The following ANKS1B variants were observed in gnomAD, a reference collection of about 807,000 sequenced individuals.
ANKS1B encodes the protein ankyrin repeat and sterile alpha motif domain-containing protein 1B.
In ANKS1B, 36 loss-of-function variants were observed where a neutral mutation model predicts 148.3. The ratio of observed to expected loss-of-function variants is 0.24; its 90% CI spans 0.19 to 0.32. The LOEUF (loss-of-function observed/expected upper bound fraction) is 0.32, where lower values mean the gene tolerates loss of function less well. Ranked by LOEUF, ANKS1B falls within the 10% of genes least tolerant of loss-of-function variation. The probability of loss-of-function intolerance (pLI) is 1.00; values close to 1 mark genes in which losing one functional copy is unlikely to be tolerated. For synonymous variants in ANKS1B, 542 were observed against 560.8 expected (o/e 0.97, Z 0.47); for missense variants, 1,157 against 1,542.6 (o/e 0.75, Z 4.19).
At chr12:99,625,458 G>A (rs1230871549) in intron 9 of ANKS1B, among the ~76,000 whole-genome samples, 1 of 151,966 alleles carries the variant, frequency 6.6e-6, no homozygotes, top group African/African-American at 2.4e-5. Flanking sequence ...TTCTTTACTT[G>A]CCATTGTTTG....
At chr12:99,915,156 C>T (rs144931562) in intron 1 of ANKS1B, among the ~76,000 whole-genome samples, 17 of 142,110 alleles carry the variant, frequency 1.2e-4, no homozygotes, top group African/African-American at 4.0e-4. Context: ...ACTCGCGAGG[C>T]GGAGGTTGCA....
intron 1 of ANKS1B, among the ~76,000 whole-genome samples, chr12:99,970,057 C>T (rs2095539553): frequency 6.6e-6 from 1 of 152,162 alleles, no homozygotes. Context: ...AAGTATCTAT[C>T]ATTAAGAAAA....
At chr12:99,971,369 C>A (rs901869403) in intron 1 of ANKS1B, among the ~76,000 whole-genome samples, 1 of 152,172 alleles carries the variant, frequency 6.6e-6, no homozygotes, top group Non-Finnish European at 1.5e-5. Flanking sequence ...AACATCCCTG[C>A]AGAATTCTTG....
chr12:99,936,294 TTAAA>T (rs1212880134), intron 1 of ANKS1B, among the ~76,000 whole-genome samples: 2 of 152,126 alleles, frequency 1.3e-5, no homozygotes, highest in East Asian at 3.9e-4. Flanking sequence ...TAAGCCAAAA[TTAAA>T]TAGTTTTCCA....
chr12:99,864,132 T>G (rs1427220096), intron 1 of ANKS1B, among the ~76,000 whole-genome samples: 1 of 151,580 alleles, frequency 6.6e-6, no homozygotes, highest in East Asian at 1.9e-4. Flanking sequence ...TTTTGTTATG[T>G]AATTCCATCC....
chr12:99,681,022 A>G (rs944863962), intron 8 of ANKS1B, among the ~76,000 whole-genome samples: 16 of 152,250 alleles, frequency 1.1e-4, no homozygotes, highest in Admixed American at 1.0e-3. Context: ...GAGCTCAGAC[A>G]CACCTAACCC....
At chr12:99,072,925 G>A (rs943536271) in intron 16 of ANKS1B, among the ~76,000 whole-genome samples, 10 of 152,022 alleles carry the variant, frequency 6.6e-5, no homozygotes, top group Admixed American at 2.0e-4. Flanking sequence ...TGCAGTAAGT[G>A]GTTTAAAAAT....
intron 17 of ANKS1B, among the ~76,000 whole-genome samples, chr12:99,037,461 C>T (rs1598801821): frequency 6.6e-6 from 1 of 151,568 alleles, no homozygotes; most frequent in Admixed American, 6.6e-5. Context: ...GCCGAGATAG[C>T]GCTGCTGCAC....
chr12:99,095,946 G>A (rs10777955), intron 15 of ANKS1B, among the ~76,000 whole-genome samples: 99,735 of 152,040 alleles, frequency 0.66, 32,959 homozygotes, highest in East Asian at 0.89. Flanking sequence ...ATGCAAAATT[G>A]CCAAAGTGCT....
chr12:99,148,231 G>A (rs1185596737), intron 15 of ANKS1B, among the ~76,000 whole-genome samples: 1 of 152,042 alleles, frequency 6.6e-6, no homozygotes, highest in African/African-American at 2.4e-5. Flanking sequence ...ATCAAATTAC[G>A]CAAATATGCT....
chr12:98,850,410 T>C (rs1211131790), intron 17 of ANKS1B, among the ~76,000 whole-genome samples: 5 of 151,574 alleles, frequency 3.3e-5, no homozygotes. Context: ...TGGAGGCTTA[T>C]ACATTGTTTT....
intron 11 of ANKS1B, among the ~76,000 whole-genome samples, chr12:99,433,770 G>GAA (rs1356526138): frequency 6.6e-6 from 1 of 152,112 alleles, no homozygotes; most frequent in African/African-American, 2.4e-5. Context: ...GAAAGCTCTG[G>GAA]AACTGGATGA....
At chr12:99,763,236 A>T (rs2153610667) in intron 8 of ANKS1B, among the ~76,000 whole-genome samples, 1 of 152,312 alleles carries the variant, frequency 6.6e-6, no homozygotes, top group African/African-American at 2.4e-5. Flanking sequence ...ACATGGAATC[A>T]ATCTAGATAT....
chr12:99,143,850 G>A (rs185958297), intron 15 of ANKS1B, among the ~76,000 whole-genome samples: 90 of 152,048 alleles, frequency 5.9e-4, no homozygotes, highest in African/African-American at 2.0e-3. Flanking sequence ...GAATGCTCAC[G>A]CTACTTTTGT....
At chr12:99,292,126 G>C (rs1395204715) in intron 12 of ANKS1B, among the ~76,000 whole-genome samples, 1 of 152,002 alleles carries the variant, frequency 6.6e-6, no homozygotes, top group African/African-American at 2.4e-5. Flanking sequence ...AATACCAAAA[G>C]CAATGGTAAC....
chr12:98,779,744 T>A (rs924594694), intron 24 of ANKS1B, among the ~76,000 whole-genome samples: 1 of 152,220 alleles, frequency 6.6e-6, no homozygotes, highest in Non-Finnish European at 1.5e-5. Flanking sequence ...TAATTTTATA[T>A]ACCAGGAACT....
At chr12:99,635,445 T>C (rs1191005241) in intron 9 of ANKS1B, among the ~76,000 whole-genome samples, 2 of 152,174 alleles carry the variant, frequency 1.3e-5, no homozygotes, top group East Asian at 1.9e-4. Context: ...TCGTGTCATA[T>C]GCCACAACAT....
chr12:99,792,834 A>G (rs2065825746), intron 4 of ANKS1B, among the ~76,000 whole-genome samples: 2 of 152,044 alleles, frequency 1.3e-5, no homozygotes, highest in Non-Finnish European at 2.9e-5. Flanking sequence ...TAGAACTGGA[A>G]GTCCTAGCTA....
intron 12 of ANKS1B, among the ~76,000 whole-genome samples, chr12:99,395,374 C>T (rs772290948): frequency 9.9e-5 from 15 of 152,168 alleles, no homozygotes; most frequent in Non-Finnish European, 2.1e-4. Flanking sequence ...ATCCCTCACC[C>T]TCTCTTCTTA....
Sources: allele counts gnomAD v4.1 joint callset (sites outside exome capture counted in the v4.1 genomes callset), GRCh38; gene constraint gnomAD v4.1.1; transcripts MANE v1.5; gene names NCBI Gene and HGNC (gene_info 2026-07-23, HGNC 2026-07-21).